The following RNLS variants were observed in gnomAD, a reference collection of about 807,000 sequenced individuals.
The protein encoded by RNLS is renalase, FAD dependent amine oxidase, also known as renalase.
A neutral mutation model predicts 39.8 loss-of-function variants in RNLS; 39 were observed. The ratio of observed to expected loss-of-function variants is 0.98; its 90% CI spans 0.76 to 1.28. The LOEUF (loss-of-function observed/expected upper bound fraction) is 1.28, where lower values mean the gene tolerates loss of function less well. Among genes scored for constraint, RNLS ranks in the 50% most tolerant of loss-of-function variants. RNLS has a pLI of 0.00. For missense variants in RNLS, 410 were observed against 413.3 expected (o/e 0.99, Z 0.07); for synonymous variants, 147 against 150.7 (o/e 0.98, Z 0.18).
the RNLS span, among the ~76,000 whole-genome samples, chr10:88,180,789 C>A: frequency 6.6e-6 from 1 of 152,126 alleles, no homozygotes; most frequent in Non-Finnish European, 1.5e-5. Flanking sequence ...ATATATCAAA[C>A]AGATTTTTTT....
At chr10:88,433,371 T>A (rs918476136) in intron 4 of RNLS, among the ~76,000 whole-genome samples, 8 of 151,938 alleles carry the variant, frequency 5.3e-5, no homozygotes, top group Non-Finnish European at 1.0e-4. Context: ...ATGGCTAGAG[T>A]ATGAGTTTTG....
At chr10:88,529,233 C>T (rs1040693887) in intron 4 of RNLS, among the ~76,000 whole-genome samples, 2 of 152,202 alleles carry the variant, frequency 1.3e-5, no homozygotes, top group African/African-American at 4.8e-5. Context: ...AATCCAGCGT[C>T]TTCCTCTATT....
At chr10:88,424,818 G>T (rs1854633674) in intron 4 of RNLS, among the ~76,000 whole-genome samples, 1 of 152,086 alleles carries the variant, frequency 6.6e-6, no homozygotes, top group East Asian at 1.9e-4. Flanking sequence ...TGGGGCAGAG[G>T]AAGTGTTCAG....
At chr10:88,482,568 A>G (rs1167051599) in intron 4 of RNLS, among the ~76,000 whole-genome samples, 2 of 152,078 alleles carry the variant, frequency 1.3e-5, no homozygotes, top group East Asian at 1.9e-4. Context: ...ATAATTTCCT[A>G]TAATTCTTTA....
rs568241205 is a variant in RNLS at position 88,426,756 on chromosome 10, G to A, written c.527-64031C>T. On this transcript the variant is annotated intron_variant, in intron 4 of 6. Transcript: ENST00000331772. ...AAGGCACCAAAGACAGTAAGGAGGA[G>A]GAGCCAGGGTTCAAGTTCAGCCCTG... is the stretch of plus-strand genomic sequence containing the variant. Among the ~76,000 whole-genome samples, 9 of 152,090 alleles carry A rather than the reference G, an allele frequency of 5.9e-5. No homozygotes were observed. In the East Asian group the frequency reaches 1.4e-3, roughly 23 times the overall value.
chr10:88,257,620 C>CCT, the RNLS span, among the ~76,000 whole-genome samples: 1 of 152,078 alleles, frequency 6.6e-6, no homozygotes, highest in African/African-American at 2.4e-5. Context: ...TCTAAATGGT[C>CCT]AGGCTGGGAG....
intron 3 of RNLS, among the ~76,000 whole-genome samples, chr10:88,574,817 A>G (rs1850064818): frequency 6.6e-6 from 1 of 152,018 alleles, no homozygotes; most frequent in Non-Finnish European, 1.5e-5. Context: ...AATAATTTGC[A>G]CTTTCAACAC....
chr10:88,446,489 A>G (rs971844583), intron 4 of RNLS, among the ~76,000 whole-genome samples: 1 of 152,200 alleles, frequency 6.6e-6, no homozygotes, highest in African/African-American at 2.4e-5. Context: ...GGAGATAGAG[A>G]CACAAAAAAC....
At chr10:88,208,577 A>G in the RNLS span, among the ~76,000 whole-genome samples, 1 of 152,154 alleles carries the variant, frequency 6.6e-6, no homozygotes, top group African/African-American at 2.4e-5. Context: ...TGGGAAGTTA[A>G]CGTATGGCAA....
chr10:88,213,594 T>C, the RNLS span, among the ~76,000 whole-genome samples: 1 of 152,240 alleles, frequency 6.6e-6, no homozygotes, highest in South Asian at 2.1e-4. Context: ...TCCCTGTTCC[T>C]GCCAGAGCCG....
At chr10:88,535,578 C>A (rs1174078385) in intron 4 of RNLS, among the ~76,000 whole-genome samples, 4 of 151,754 alleles carry the variant, frequency 2.6e-5, no homozygotes, top group African/African-American at 9.7e-5. Context: ...TGCACATGTA[C>A]CCCTGAACTT....
chr10:88,410,011 C>T (rs1469830357), intron 4 of RNLS, among the ~76,000 whole-genome samples: 1 of 152,090 alleles, frequency 6.6e-6, no homozygotes, highest in Non-Finnish European at 1.5e-5. Flanking sequence ...AAAGCAGCCA[C>T]AGACAATGTG....
chr10:88,203,268 G>GTATATATA, the RNLS span, among the ~76,000 whole-genome samples: 1 of 16,796 alleles, frequency 6.0e-5, no homozygotes, highest in South Asian at 2.4e-3. Context: ...GTGTGTGTAT[G>GTATATATA]TATATATATA....
At chr10:88,422,575 T>C (rs1854470658) in intron 4 of RNLS, among the ~76,000 whole-genome samples, 2 of 152,182 alleles carry the variant, frequency 1.3e-5, no homozygotes, top group African/African-American at 4.8e-5. Context: ...TGTTTACTAA[T>C]TGTGGCTAAA....
chr10:88,548,372 C>T (rs945886703), intron 4 of RNLS, among the ~76,000 whole-genome samples: 4 of 140,568 alleles, frequency 2.8e-5, no homozygotes, highest in African/African-American at 1.1e-4. Context: ...TGTAAAAATA[C>T]AGTTTTCCTG....
chr10:88,188,516 A>T, the RNLS span, among the ~76,000 whole-genome samples: 8 of 152,232 alleles, frequency 5.3e-5, no homozygotes, highest in African/African-American at 1.9e-4. Context: ...TCCAACAGAA[A>T]TTTTGGGTAC....
chr10:88,185,413 T>C, the RNLS span, among the ~76,000 whole-genome samples: 1 of 152,178 alleles, frequency 6.6e-6, no homozygotes, highest in East Asian at 1.9e-4. Context: ...TCCATTTATA[T>C]TGTTTTTTTA....
intron 4 of RNLS, among the ~76,000 whole-genome samples, chr10:88,535,626 G>T (rs1301829357): frequency 6.6e-6 from 1 of 152,102 alleles, no homozygotes; most frequent in African/African-American, 2.4e-5. Context: ...AACCTAGGTA[G>T]TAGGACTCAT....
intron 4 of RNLS, among the ~76,000 whole-genome samples, chr10:88,426,081 A>C (rs1854735610): frequency 6.6e-6 from 1 of 152,080 alleles, no homozygotes; most frequent in Admixed American, 6.6e-5. Context: ...GACTTCATTC[A>C]TTCATTTAGT....
Sources: allele counts gnomAD v4.1 joint callset (sites outside exome capture counted in the v4.1 genomes callset), GRCh38; gene constraint gnomAD v4.1.1; transcripts MANE v1.5; gene names NCBI Gene and HGNC (gene_info 2026-07-23, HGNC 2026-07-21).